The following SIL1 variants were observed in gnomAD, a reference collection of about 807,000 sequenced individuals.
SIL1 encodes the protein SIL1 nucleotide exchange factor.
In SIL1, 40 loss-of-function variants were observed where a neutral mutation model predicts 49.1. The observed-to-expected ratio is 0.81, with a 90% CI of 0.63 to 1.06. The LOEUF (loss-of-function observed/expected upper bound fraction) is 1.06, where lower values mean the gene tolerates loss of function less well. Ranked by LOEUF, SIL1 falls within the 50% of genes least tolerant of loss-of-function variation. The pLI is 0.00. For missense variants in SIL1, 500 were observed against 572.6 expected (o/e 0.87, Z 1.29); for synonymous variants, 253 against 250.8 (o/e 1.01, Z -0.08).
intron 3 of SIL1, among the ~76,000 whole-genome samples, chr5:139,076,568 A>G (rs1285021288): frequency 2.6e-5 from 4 of 152,172 alleles, no homozygotes; most frequent in Admixed American, 6.5e-5. Context: ...CCTGCAATCA[A>G]TCTCTGGGCT....
intron 7 of SIL1, among the ~76,000 whole-genome samples, chr5:138,977,970 C>T (rs1345909186): frequency 6.6e-6 from 1 of 152,222 alleles, no homozygotes; most frequent in East Asian, 1.9e-4. Context: ...AGAATGACAT[C>T]TCTTTGGAAA....
intron 3 of SIL1, chr5:139,051,310 CA>C: frequency 2.0e-6 from 1 of 503,530 alleles, no homozygotes; most frequent in East Asian, 3.8e-5. Flanking sequence ...CAATGTCCCC[CA>C]GTTAGAACCT....
intron 3 of SIL1, among the ~76,000 whole-genome samples, chr5:139,112,617 C>T (rs1770884944): frequency 6.6e-6 from 1 of 151,232 alleles, no homozygotes; most frequent in East Asian, 2.0e-4. Flanking sequence ...GGCAGCCAAC[C>T]CCTCCGGGAG....
At chr5:139,086,387 G>A (rs191758110) in intron 3 of SIL1, among the ~76,000 whole-genome samples, 499 of 151,310 alleles carry the variant, frequency 3.3e-3, no homozygotes, top group Middle Eastern at 0.027. Context: ...TTTTTGAGAC[G>A]GAGTTTTGCT....
chr5:139,176,620 G>A (rs1263335988), intron 1 of SIL1, among the ~76,000 whole-genome samples: 1 of 152,200 alleles, frequency 6.6e-6, no homozygotes, highest in Non-Finnish European at 1.5e-5. Flanking sequence ...AACGTCAGGT[G>A]AGGGATCTCT....
intron 7 of SIL1, among the ~76,000 whole-genome samples, chr5:139,005,464 T>TA (rs1228621881): frequency 2.3e-4 from 34 of 150,342 alleles, no homozygotes; most frequent in South Asian, 2.1e-3. Flanking sequence ...CTTTTTTTTT[T>TA]ATTATACTTT....
At position 139,090,354 on chromosome 5, in the gene SIL1, C is replaced by A. The variant is rs117367578; in HGVS notation, c.244+30681G>T. 6.4e-4 allele frequency among the ~76,000 whole-genome samples: 97 copies of A among 152,296 alleles called. 2 individuals are homozygous for A. The East Asian group carries it at 0.018, about 28-fold the overall frequency. On this transcript the variant is annotated intron_variant, in intron 3 of 9. Coordinates refer to ENST00000394817, the MANE Select transcript of SIL1 (RefSeq NM_022464.5). ...GAAACTTCTCAGGATGCTCTTGATT[C>A]TCTTCTGGGGCTCATCAGTTCTCAT... is the stretch of plus-strand genomic sequence containing the variant.
At position 138,979,808 on chromosome 5, in the gene SIL1, G is replaced by T. The variant is rs1272595549; in HGVS notation, c.768-27924C>A. Among the ~76,000 whole-genome samples the T allele has an allele frequency of 3.9e-5, 6 of 152,234 alleles. No homozygotes were observed. The East Asian group carries it at 1.2e-3, about 29-fold the overall frequency. On this transcript the variant is annotated intron_variant, in intron 7 of 9. Coordinates refer to ENST00000394817, the MANE Select transcript of SIL1 (RefSeq NM_022464.5). The stretch of plus-strand genomic sequence containing the variant: ...GGAATCATTTCTGTCTAGAGGAGCT[G>T]TAAAGAGTGAGAGAATGCGGTCTTC...
intron 7 of SIL1, among the ~76,000 whole-genome samples, chr5:138,962,656 C>T (rs541894083): frequency 6.6e-6 from 1 of 152,132 alleles, no homozygotes; most frequent in Non-Finnish European, 1.5e-5. Flanking sequence ...AGACAGAATG[C>T]CAGGGTTTTC....
intron 7 of SIL1, among the ~76,000 whole-genome samples, chr5:139,019,810 C>T (rs1768479081): frequency 6.6e-6 from 1 of 152,202 alleles, no homozygotes; most frequent in African/African-American, 2.4e-5. Context: ...TAAAAGTACT[C>T]GGGAGTAAGG....
At chr5:139,116,097 G>A (rs1770981748) in intron 3 of SIL1, among the ~76,000 whole-genome samples, 1 of 152,202 alleles carries the variant, frequency 6.6e-6, no homozygotes, top group Non-Finnish European at 1.5e-5. Flanking sequence ...ACCAGAGTCA[G>A]GTGCTCCTTC....
At chr5:139,010,195 C>T (rs1380237407) in intron 7 of SIL1, among the ~76,000 whole-genome samples, 2 of 147,604 alleles carry the variant, frequency 1.4e-5, no homozygotes, top group Non-Finnish European at 3.0e-5. Context: ...CTTCCCTTCT[C>T]GCTTCATTTC....
intron 3 of SIL1, among the ~76,000 whole-genome samples, chr5:139,057,595 G>A (rs1271694351): frequency 6.6e-6 from 1 of 152,244 alleles, no homozygotes; most frequent in Non-Finnish European, 1.5e-5. Flanking sequence ...GGTGGCAAGA[G>A]TGAGTCTTGA....
At chr5:139,173,559 C>T (rs1161060167) in intron 1 of SIL1, among the ~76,000 whole-genome samples, 2 of 150,788 alleles carry the variant, frequency 1.3e-5, no homozygotes, top group Non-Finnish European at 3.0e-5. Flanking sequence ...TAAAAATAAA[C>T]AAAAATAAAT....
intron 1 of SIL1, among the ~76,000 whole-genome samples, chr5:139,186,892 C>T (rs1054332392): frequency 5.9e-5 from 9 of 152,150 alleles, no homozygotes; most frequent in African/African-American, 1.9e-4. Context: ...GCTTCAAAAA[C>T]AAAGGGCTCT....
intron 4 of SIL1, 70 bp from the exon 5 acceptor site, chr5:139,042,789 G>GAGTACTGGGAT: frequency 7.2e-7 from 1 of 1,391,236 alleles, no homozygotes. Flanking sequence ...TGTAATCCCA[G>GAGTACTGGGAT]TACTCTGGGT....
intron 1 of SIL1, among the ~76,000 whole-genome samples, chr5:139,172,602 C>T (rs1031119472): frequency 6.8e-6 from 1 of 146,190 alleles, no homozygotes; most frequent in Non-Finnish European, 1.5e-5. Flanking sequence ...CACTGCACTC[C>T]GGCCGGGGAA....
chr5:138,955,237 G>A lies in SIL1; in HGVS notation c.768-3353C>T, dbSNP rs1334433424. On this transcript the variant is annotated intron_variant, in intron 7 of 9. Coordinates refer to ENST00000394817, the MANE Select transcript of SIL1 (RefSeq NM_022464.5). ...AAGTCAACAGAAGGATATTAAGGAC[G>A]TAGCTCATCTCCGATGCGATAAATG... Among the ~76,000 whole-genome samples the A allele has an allele frequency of 2.0e-5, 3 of 152,200 alleles. No homozygotes were observed. In the East Asian group the frequency reaches 5.8e-4, roughly 29 times the overall value.
intron 1 of SIL1, among the ~76,000 whole-genome samples, chr5:139,140,037 G>A (rs148188558): frequency 0.01 from 1,546 of 152,212 alleles, 25 homozygotes; most frequent in African/African-American, 0.033. Context: ...TTGGGAGGCC[G>A]AGGCAGGTGG....
Sources: gnomAD v4.1 joint callset for allele counts (sites outside exome capture counted in the v4.1 genomes callset) on GRCh38, gnomAD v4.1.1 for gene constraint, MANE v1.5 for transcripts, NCBI Gene and HGNC (gene_info 2026-07-23, HGNC 2026-07-21) for gene names.